The following MACF1 variants were observed in gnomAD, a reference collection of about 807,000 sequenced individuals.
The protein encoded by MACF1 is microtubule actin crosslinking factor 1, also known as microtubule-actin cross-linking factor 1.
A neutral mutation model predicts 854.8 loss-of-function variants in MACF1; 193 were observed. That is an observed-to-expected ratio of 0.23 (90% CI 0.20 to 0.25). MACF1 has a LOEUF of 0.25. Ranked by LOEUF, MACF1 falls within the 10% of genes least tolerant of loss-of-function variation. The pLI is 1.00. For synonymous variants in MACF1, 3,185 were observed against 3,226.7 expected (o/e 0.99, Z 0.44); for missense variants, 7,722 against 8,929.1 (o/e 0.86, Z 5.45).
In MACF1 at chr1:39,388,591, C is replaced by T. The variant is rs768280567; in HGVS notation, c.15749C>T (p.Ala5250Val). The change falls in exon 58 of 101, where the codon GCA (alanine) becomes GTA (valine). Residue 5250 changes from alanine to valine, a missense_variant. Coordinates refer to ENST00000564288, the MANE Select transcript of MACF1 (RefSeq NM_001394062.1). ...GACGCGACCACAGCAGCAGAGGAGG[C>T]AGAGGCCCTCCAGTGGGTAGTGGGG... ...LNDATTAAEE[A>V]EALQWVVGTE... 1 of 1,613,306 alleles carries T rather than the reference C, an allele frequency of 6.2e-7. No individual in the cohort carries two copies. Among genetic ancestry groups the T allele is most frequent in the Non-Finnish European group, 8.5e-7 (1 of 1,179,776 alleles).
intron 58 of MACF1, chr1:39,410,330 A>G (rs766867387): frequency 5.0e-6 from 8 of 1,613,230 alleles, no homozygotes; most frequent in Non-Finnish European, 6.8e-6. Flanking sequence ...GGGAAAGGAG[A>G]GGAGGAGGAT....
chr1:39,186,206 C>CTGTG (rs1281791661), intron 2 of MACF1, among the ~76,000 whole-genome samples: 3 of 57,852 alleles, frequency 5.2e-5, no homozygotes, highest in African/African-American at 2.0e-4. Flanking sequence ...CTCTCTCTCT[C>CTGTG]TCTCTCTCTG....
intron 3 of MACF1, among the ~76,000 whole-genome samples, chr1:39,251,383 G>GA (rs1181224088): frequency 1.3e-5 from 2 of 152,038 alleles, no homozygotes; most frequent in African/African-American, 4.8e-5. Flanking sequence ...CAATGTGTCT[G>GA]GTACATTTAA....
chr1:39,422,294 C>T, intron 58 of MACF1, 80 bp from the exon 59 acceptor site: 1 of 1,121,100 alleles, frequency 8.9e-7, no homozygotes, highest in Non-Finnish European at 1.3e-6. Flanking sequence ...CATAAATGCC[C>T]CAAGAATAAC....
chr1:39,436,439 TC>T (rs1643977076), intron 70 of MACF1: 1 of 1,612,612 alleles, frequency 6.2e-7, no homozygotes, highest in Admixed American at 1.7e-5. Flanking sequence ...CTTCCCCACA[TC>T]GTCACATTTC....
At chr1:39,272,005 T>C (rs1645330774) in intron 6 of MACF1, among the ~76,000 whole-genome samples, 1 of 152,206 alleles carries the variant, frequency 6.6e-6, no homozygotes, top group African/African-American at 2.4e-5. Flanking sequence ...ATTTTCTGGG[T>C]AGCCAACCTC....
chr1:39,162,423 A>G (rs185113263), intron 2 of MACF1, among the ~76,000 whole-genome samples: 5 of 152,136 alleles, frequency 3.3e-5, no homozygotes, highest in African/African-American at 1.2e-4. Context: ...CTGGAATCCC[A>G]TTATTTTTTT....
intron 44 of MACF1, among the ~76,000 whole-genome samples, chr1:39,353,910 T>C (rs1283955992): frequency 2.0e-5 from 3 of 152,234 alleles, no homozygotes; most frequent in Non-Finnish European, 4.4e-5. Flanking sequence ...CACTGTCTGC[T>C]TTCACTGTTA....
At chr1:39,368,551 G>T (rs1025479995) in intron 50 of MACF1, among the ~76,000 whole-genome samples, 5 of 151,906 alleles carry the variant, frequency 3.3e-5, no homozygotes, top group Non-Finnish European at 7.4e-5. Context: ...ACCCAGGCTG[G>T]AGTGCAGTGG....
intron 1 of MACF1, among the ~76,000 whole-genome samples, chr1:39,216,948 C>T (rs1050383720): frequency 2.0e-5 from 3 of 152,172 alleles, no homozygotes; most frequent in Admixed American, 6.5e-5. Context: ...ACTGTCTACA[C>T]GGGGTTCCTA....
chr1:39,211,198 C>T (rs1171639554), intron 1 of MACF1, among the ~76,000 whole-genome samples: 1 of 152,022 alleles, frequency 6.6e-6, no homozygotes, highest in African/African-American at 2.4e-5. Flanking sequence ...GAACTCCTGA[C>T]CTCAAGTGAT....
Position 39,387,275 on chromosome 1 carries a change from T to G in MACF1, c.14433T>G (p.Asp4811Glu). 2 of 1,614,182 alleles carry G rather than the reference T, an allele frequency of 1.2e-6. No individual in the cohort carries two copies. The highest frequency in any genetic ancestry group is 1.7e-6 in the Non-Finnish European group (2 of 1,180,036). Reference protein sequence around the residue: ...MFDELRTWLDDKQSQQAKNCP... With the variant: ...MFDELRTWLDEKQSQQAKNCP... The stretch of plus-strand genomic sequence containing the variant: ...ATGAGTTGAGGACCTGGTTGGATGA[T>G]AAACAAAGCCAGCAAGCAAAAAACT... Residue 4811 changes from aspartate (D) to glutamate (E), a missense_variant, in exon 58 of 101, where the codon GAT becomes GAG. Transcript: ENST00000564288.
intron 58 of MACF1, among the ~76,000 whole-genome samples, chr1:39,420,305 T>G (rs2171979): frequency 1.3e-5 from 2 of 152,040 alleles, no homozygotes; most frequent in South Asian, 2.1e-4. Flanking sequence ...TGCCTTTTCA[T>G]TCCTTCACCT....
intron 40 of MACF1, among the ~76,000 whole-genome samples, chr1:39,341,925 G>A (rs1384965564): frequency 6.6e-6 from 1 of 151,656 alleles, no homozygotes; most frequent in Non-Finnish European, 1.5e-5. Flanking sequence ...GTTTTCAGGG[G>A]TACATGTGCA....
At chr1:39,295,208 A>T in intron 19 of MACF1, 58 bp downstream of exon 19, 3 of 1,407,372 alleles carry the variant, frequency 2.1e-6, no homozygotes, top group South Asian at 2.3e-5. Context: ...TTATAAAAGT[A>T]TTCAAATTAG....
intron 58 of MACF1, among the ~76,000 whole-genome samples, chr1:39,418,731 C>T (rs571818369): frequency 4.7e-4 from 71 of 152,196 alleles, no homozygotes; most frequent in African/African-American, 1.4e-3. Context: ...GGTGTGGTGG[C>T]GCATGCCTGT....
chr1:39,427,655 T>C, intron 62 of MACF1, 41 bp downstream of exon 62: 1 of 1,585,658 alleles, frequency 6.3e-7, no homozygotes, highest in Non-Finnish European at 8.6e-7. Flanking sequence ...AAAACTGGAA[T>C]TAGAAATCCT....
chr1:39,094,800 G>A (rs1245487346), intron 2 of MACF1, among the ~76,000 whole-genome samples: 1 of 152,208 alleles, frequency 6.6e-6, no homozygotes, highest in Non-Finnish European at 1.5e-5. Flanking sequence ...GCTGAGGTGG[G>A]AGGATTGCTT....
chr1:39,239,878 A>C (rs186908399), intron 2 of MACF1, among the ~76,000 whole-genome samples: 1 of 152,330 alleles, frequency 6.6e-6, no homozygotes, highest in Admixed American at 6.5e-5. Context: ...AATTTTTAAT[A>C]ATGCTTACAA....
Sources: allele counts gnomAD v4.1 joint callset (sites outside exome capture counted in the v4.1 genomes callset), GRCh38; gene constraint gnomAD v4.1.1; transcripts MANE v1.5; gene names NCBI Gene and HGNC (gene_info 2026-07-23, HGNC 2026-07-21).